Variants in NEBL observed in about 807,000 individuals in gnomAD.
NEBL encodes LIM and SH3 protein 2.
Under a neutral mutation model 140.2 loss-of-function variants are expected in NEBL, and 122 were observed. That is an observed-to-expected ratio of 0.87 (90% confidence interval 0.75 to 1.01). The LOEUF is 1.01. Among genes scored for constraint, NEBL ranks in the 50% least tolerant of loss-of-function variants. The pLI, the probability that NEBL is intolerant of heterozygous loss-of-function variation, is 0.00. For missense variants in NEBL, 1,365 were observed against 1,231.3 expected (o/e 1.11, Z -1.62); for synonymous variants, 436 against 398.9 (o/e 1.09, Z -1.11).
chr10:20,868,749 C>T lies in NEBL; in HGVS notation c.599G>A (p.Gly200Glu), dbSNP rs727503336. 6.2e-7 allele frequency: 1 copy of T among 1,607,462 alleles called. No individual in the cohort carries two copies. Among genetic ancestry groups the T allele is most frequent in the Admixed American group, 1.7e-5 (1 of 59,954 alleles). Residue 200 changes from glycine to glutamate, a missense_variant, in exon 7 of 28, where the codon GGA becomes GAA. Coordinates refer to ENST00000377122, the MANE Select transcript of NEBL (RefSeq NM_006393.3). ...KIISNAEYKK[G>E]QGIMNKEPAV... is the part of the protein sequence containing the mutation. Reference sequence around the variant, plus strand: ...GGGCTCTTTATTCATTATTCCTTGTCCTTTCTTGTATTCTGCCTAAAATGA... The same window carrying T: ...GGGCTCTTTATTCATTATTCCTTGTTCTTTCTTGTATTCTGCCTAAAATGA...
At chr10:20,920,303 C>A (rs982653626) in intron 4 of NEBL, among the ~76,000 whole-genome samples, 5 of 152,118 alleles carry the variant, frequency 3.3e-5, no homozygotes, top group African/African-American at 1.2e-4. Context: ...AACAACCAAC[C>A]CTCAGGGGTA....
chr10:20,914,169 G>A (rs1361895067), intron 4 of NEBL, among the ~76,000 whole-genome samples: 3 of 152,292 alleles, frequency 2.0e-5, no homozygotes, highest in East Asian at 1.9e-4. Flanking sequence ...TGTTTTGCGC[G>A]TTTGAACTAA....
chr10:21,281,863 TC>T (rs1385633395), intron 1 of NEBL, among the ~76,000 whole-genome samples: 1 of 152,210 alleles, frequency 6.6e-6, no homozygotes, highest in East Asian at 1.9e-4. Context: ...TCACCAACAG[TC>T]TTCTTACTGT....
rs1843303734 is a variant in NEBL, at chr10:20,858,326, T to C, written c.817A>G (p.Ile273Val). The C allele has an allele frequency of 6.2e-7, 1 of 1,602,244 alleles. No individual in the cohort carries two copies. The highest frequency in any genetic ancestry group is 8.6e-7 in the Non-Finnish European group (1 of 1,169,130). ...LASNVKYKKD[I>V]QNMHDPVSDL... is the part of the protein sequence containing the mutation. The stretch of plus-strand genomic sequence containing the variant: ...GAAACTGGATCATGCATATTTTGAA[T>C]GTCTTTCTTGTACTTCACCTATGAA... The change falls in exon 9 of 28, where the codon ATT becomes GTT. Residue 273 changes from isoleucine to valine, a missense_variant. By Grantham distance (29) the Ile-to-Val change is conservative. Around this residue, in one of 2 missense-constraint regions of NEBL, gnomAD observed 1,323 missense variants for 1,154.8 expected, o/e 1.15. Coordinates refer to ENST00000377122, the MANE Select transcript of NEBL (RefSeq NM_006393.3).
At chr10:21,076,373 A>T (rs921540869) in intron 2 of NEBL, among the ~76,000 whole-genome samples, 7 of 138,896 alleles carry the variant, frequency 5.0e-5, no homozygotes, top group Non-Finnish European at 1.1e-4. Context: ...TGAACCTGAG[A>T]GGCAGAGGTT....
At chr10:21,220,689 A>G (rs919097542) in intron 3 of NEBL, among the ~76,000 whole-genome samples, 4 of 152,264 alleles carry the variant, frequency 2.6e-5, no homozygotes, top group African/African-American at 9.6e-5. Flanking sequence ...AGCAAAGGAA[A>G]CAATCAACAG....
At position 20,941,273 on chromosome 10, in the gene NEBL, C is replaced by T. The variant is rs376531123; in HGVS notation, c.357+20399G>A. On this transcript the variant is annotated intron_variant, in intron 4 of 6. Transcript: ENST00000417816. ...GGGCTTCATCCCTGGGATGCAAGGC[C>T]GGTTCAACATACGCAAATCAATAAA... 5.5e-3 allele frequency among the ~76,000 whole-genome samples: 837 copies of T among 152,212 alleles called. 9 individuals are homozygous for T. Among genetic ancestry groups the T allele is most frequent in the African/African-American group, 0.019 (782 of 41,520 alleles).
chr10:20,838,985 G>GT (rs1305571640), intron 13 of NEBL, among the ~76,000 whole-genome samples: 1 of 152,156 alleles, frequency 6.6e-6, no homozygotes, highest in Non-Finnish European at 1.5e-5. Flanking sequence ...TCACTTTATT[G>GT]TGATATTTGC....
intron 14 of NEBL, among the ~76,000 whole-genome samples, chr10:20,831,919 TG>T (rs1314982085): frequency 6.6e-6 from 1 of 152,172 alleles, no homozygotes. Context: ...CAAGAGTGAT[TG>T]TAAAATTGCT....
intron 3 of NEBL, among the ~76,000 whole-genome samples, chr10:21,005,719 G>A (rs1024117724): frequency 4.6e-5 from 7 of 151,860 alleles, no homozygotes; most frequent in Non-Finnish European, 8.8e-5. Flanking sequence ...GGGTGACAGA[G>A]CAAGTGTCTC....
At chr10:21,144,203 C>T (rs900693593) in intron 2 of NEBL, among the ~76,000 whole-genome samples, 4 of 152,236 alleles carry the variant, frequency 2.6e-5, no homozygotes, top group African/African-American at 9.6e-5. Context: ...AAGACACAGT[C>T]ATTGCCCTCA....
At chr10:21,016,017 G>A (rs749356100) in intron 3 of NEBL, among the ~76,000 whole-genome samples, 13 of 152,258 alleles carry the variant, frequency 8.5e-5, no homozygotes, top group Non-Finnish European at 1.3e-4. Context: ...TAATGTTGCT[G>A]ATTCCACCAG....
intron 3 of NEBL, among the ~76,000 whole-genome samples, chr10:21,222,669 A>G (rs1207024127): frequency 6.6e-6 from 1 of 152,222 alleles, no homozygotes; most frequent in African/African-American, 2.4e-5. Flanking sequence ...ACAGGCATAC[A>G]ATGTGTAATA....
In NEBL at chr10:21,013,604, G is replaced by A. The variant is rs567149995; in HGVS notation, c.249+6513C>T. 3.9e-5 allele frequency among the ~76,000 whole-genome samples: 6 copies of A among 152,310 alleles called. No homozygotes were observed. The East Asian group carries it at 5.8e-4, about 15-fold the overall frequency. ...ATAAGACATAATAAGAGGGCCAGGC[G>A]CAGTGGCTCACGCCTGTAATCCTAC... On this transcript the variant is annotated intron_variant, in intron 3 of 6. Coordinates refer to the NEBL transcript ENST00000417816.
intron 3 of NEBL, among the ~76,000 whole-genome samples, 188 bp from the exon 4 acceptor site, chr10:20,888,395 T>G (rs983235617): frequency 1.3e-5 from 2 of 152,198 alleles, no homozygotes; most frequent in African/African-American, 4.8e-5. Context: ...TAAATCCAAT[T>G]TATCATAGAG....
Position 20,785,958 on chromosome 10 carries a change from C to T in NEBL, c.2869-35G>A, listed in dbSNP as rs377656601. ...GAAGAAGGGATTATACGATGAATGC[C>T]GAAATAGCTACAGCCACAAATTCCA... On this transcript the variant is annotated intron_variant, in intron 27 of 27. Coordinates refer to ENST00000377122, the MANE Select transcript of NEBL (RefSeq NM_006393.3). The T allele has an allele frequency of 2.4e-5, 38 of 1,595,028 alleles. No individual in the cohort carries two copies. The African/African-American group carries it at 2.4e-4, about 10-fold the overall frequency.
intron 2 of NEBL, among the ~76,000 whole-genome samples, chr10:21,071,806 G>C (rs1835828433): frequency 3.7e-5 from 1 of 27,380 alleles, no homozygotes; most frequent in Non-Finnish European, 8.1e-5. Flanking sequence ...AATAGTGTTG[G>C]GCTTTTTGTT....
chr10:20,837,253 A>C (rs1840988871), intron 13 of NEBL, among the ~76,000 whole-genome samples: 1 of 152,208 alleles, frequency 6.6e-6, no homozygotes, highest in South Asian at 2.1e-4. Flanking sequence ...GGAAATTAAC[A>C]GTGCTACCCC....
chr10:21,005,293 AC>A (rs1279233270), intron 3 of NEBL, among the ~76,000 whole-genome samples: 2 of 152,194 alleles, frequency 1.3e-5, no homozygotes, highest in African/African-American at 4.8e-5. Context: ...GTCACAGAAT[AC>A]CCATCTAAGA....
Sources: gnomAD v4.1 joint callset for allele counts (sites outside exome capture counted in the v4.1 genomes callset) on GRCh38, gnomAD v4.1.1 for gene constraint, gnomAD v4.1.1 regional missense constraint, MANE v1.5 for transcripts, NCBI Gene and HGNC (gene_info 2026-07-23, HGNC 2026-07-21) for gene names.